ZNRF3: variants seen among roughly 807,000 people sequenced by gnomAD.
ZNRF3 encodes zinc and ring finger 3.
A neutral mutation model predicts 72.5 loss-of-function variants in ZNRF3; 23 were observed. The ratio of observed to expected loss-of-function variants is 0.32; its 90% CI spans 0.23 to 0.45. The LOEUF (loss-of-function observed/expected upper bound fraction) is 0.45. Ranked by LOEUF, ZNRF3 falls within the 20% of genes least tolerant of loss-of-function variation. ZNRF3 has a pLI of 1.00. For missense variants in ZNRF3, 1,169 were observed against 1,272.1 expected (o/e 0.92, Z 1.23); for synonymous variants, 610 against 545.3 (o/e 1.12, Z -1.65).
At chr22:28,959,828 A>G (rs990525844) in intron 1 of ZNRF3, among the ~76,000 whole-genome samples, 1 of 152,144 alleles carries the variant, frequency 6.6e-6, no homozygotes, top group Non-Finnish European at 1.5e-5. Flanking sequence ...CTCCCCTTGT[A>G]TGCACAAAGA....
chr22:28,947,932 C>T (rs758279336), intron 1 of ZNRF3, among the ~76,000 whole-genome samples: 1 of 151,980 alleles, frequency 6.6e-6, no homozygotes, highest in Non-Finnish European at 1.5e-5. Context: ...GCAATCTCCG[C>T]CTCCTGGGTC....
chr22:29,019,844 T>C (rs918820698), intron 2 of ZNRF3, among the ~76,000 whole-genome samples: 3 of 152,194 alleles, frequency 2.0e-5, no homozygotes, highest in South Asian at 2.1e-4. Context: ...GTAAGTGTGA[T>C]AGAACCAGAA....
chr22:28,911,499 G>C (rs1469513432), intron 1 of ZNRF3, among the ~76,000 whole-genome samples: 1 of 152,168 alleles, frequency 6.6e-6, no homozygotes, highest in Non-Finnish European at 1.5e-5. Context: ...GAATGTAAGG[G>C]AGTAAGTGAT....
chr22:28,972,088 T>A (rs1045449737), intron 1 of ZNRF3, among the ~76,000 whole-genome samples: 6 of 152,236 alleles, frequency 3.9e-5, no homozygotes, highest in Admixed American at 2.6e-4. Context: ...ACCATTTATT[T>A]GCATAATTCT....
At chr22:28,983,980 T>C (rs1167825172) in intron 1 of ZNRF3, among the ~76,000 whole-genome samples, 1 of 151,930 alleles carries the variant, frequency 6.6e-6, no homozygotes, top group Non-Finnish European at 1.5e-5. Flanking sequence ...CCCAGTTTCC[T>C]GAAGGGCTGC....
At chr22:29,006,453 C>CT (rs1402370389) in intron 2 of ZNRF3, among the ~76,000 whole-genome samples, 3 of 152,162 alleles carry the variant, frequency 2.0e-5, no homozygotes, top group Non-Finnish European at 4.4e-5. Context: ...CTCAGGTGAT[C>CT]TGCCTGCCTC....
At chr22:28,937,205 ATATATATATATTTTTTTT>A (rs1373283019) in intron 1 of ZNRF3, among the ~76,000 whole-genome samples, 66 of 4,030 alleles carry the variant, frequency 0.016, no homozygotes, top group African/African-American at 0.027. Context: ...ATATATATAT[ATATATATATATTTTTTTT>A]TTTTTTTTTT....
rs2037181611 is a variant in ZNRF3, at chr22:29,050,524, C to G, written c.2343C>G (p.Phe781Leu). The change falls in exon 8 of 9, where the codon TTC becomes TTG. Residue 781 changes from phenylalanine to leucine, a missense_variant. Physicochemically the swap from Phe to Leu is conservative, Grantham distance 22. Around this residue, in one of 2 missense-constraint regions of ZNRF3, gnomAD observed 783 missense variants for 731.4 expected, o/e 1.07. Coordinates refer to ENST00000544604, the MANE Select transcript of ZNRF3 (RefSeq NM_001206998.2). ...AATACGAGGGTCTGCCCTGCTGCTT[C>G]TATGAAGAGAAGCAGGTGGCCCGCG... ...GVKYEGLPCC[F>L]YEEKQVARGG... 6.2e-7 allele frequency: 1 copy of G among 1,612,198 alleles called. No individual in the cohort carries two copies. Among genetic ancestry groups the G allele is most frequent in the Non-Finnish European group, 8.5e-7 (1 of 1,179,594 alleles).
chr22:28,884,081 C>T lies in ZNRF3; in HGVS notation c.300+15C>T. On this transcript the variant is annotated intron_variant, in intron 1 of 8. Coordinates refer to ENST00000544604, the MANE Select transcript of ZNRF3 (RefSeq NM_001206998.2). ...AGATCGTGCAGGTAGCTGCCCGCCG[C>T]CCGGGCCCCGCGCCGCCTCCGCCAC... 1 of 1,206,632 alleles carries T rather than the reference C, an allele frequency of 8.3e-7. No homozygotes were observed. Among genetic ancestry groups the T allele is most frequent in the Non-Finnish European group, 1.0e-6 (1 of 957,416 alleles). 74.7% of individuals were successfully genotyped at this position (1,206,632 alleles called of 1,614,324 possible). A position where few individuals can be genotyped will look rare whatever the true frequency, so the allele number is the denominator to read the frequency against.
Position 29,050,830 on chromosome 22 carries a change from G to A in ZNRF3, c.2649G>A (p.Gln883=), listed in dbSNP as rs775510646. The part of the protein sequence containing the change: ...TREEERALCC[Q]ARALLRPGCP... Reference sequence around the variant, plus strand: ...AAGAGGAGCGGGCTCTGTGCTGCCAGGCTAGGGCCCTACTGCGGCCTGGCT... The same window carrying A: ...AAGAGGAGCGGGCTCTGTGCTGCCAAGCTAGGGCCCTACTGCGGCCTGGCT... Residue 883 remains glutamine (Q), a synonymous_variant, in exon 8 of 9, where the codon CAG becomes CAA. Transcript: ENST00000544604. 7 of 1,607,132 alleles carry A rather than the reference G, an allele frequency of 4.4e-6. No homozygotes were observed. Among genetic ancestry groups the A allele is most frequent in the Non-Finnish European group, 5.9e-6 (7 of 1,178,498 alleles).
At chr22:28,887,218 C>T (rs1043775676) in intron 1 of ZNRF3, among the ~76,000 whole-genome samples, 6 of 120,370 alleles carry the variant, frequency 5.0e-5, no homozygotes, top group South Asian at 2.7e-4. Context: ...TATATGCCAA[C>T]GAAGAGAGAG....
At chr22:28,971,198 G>T in intron 1 of ZNRF3, among the ~76,000 whole-genome samples, 1 of 145,814 alleles carries the variant, frequency 6.9e-6, no homozygotes, top group Non-Finnish European at 1.5e-5. Flanking sequence ...CTAAAAAAAT[G>T]TTTTTTTTTT....
At chr22:28,990,777 T>C (rs1305413425) in intron 2 of ZNRF3, among the ~76,000 whole-genome samples, 1 of 152,156 alleles carries the variant, frequency 6.6e-6, no homozygotes, top group Non-Finnish European at 1.5e-5. Context: ...AACCCTCCAA[T>C]TCAATCAGTG....
chr22:28,998,378 C>G (rs1340254570), intron 2 of ZNRF3, among the ~76,000 whole-genome samples: 1 of 152,070 alleles, frequency 6.6e-6, no homozygotes, highest in East Asian at 1.9e-4. Flanking sequence ...ATACTGCTAC[C>G]AAGCAGATGG....
At chr22:28,884,664 C>G (rs908554843) in intron 1 of ZNRF3, among the ~76,000 whole-genome samples, 1 of 152,084 alleles carries the variant, frequency 6.6e-6, no homozygotes, top group African/African-American at 2.4e-5. Flanking sequence ...CCTGGAGTGG[C>G]GATGGAAGGC....
At chr22:29,035,445 T>C (rs750907920) in intron 2 of ZNRF3, among the ~76,000 whole-genome samples, 7 of 152,226 alleles carry the variant, frequency 4.6e-5, no homozygotes, top group Non-Finnish European at 1.0e-4. Context: ...TGGAATGATA[T>C]GTGTAGCTGG....
At chr22:28,918,717 A>G (rs1248391487) in intron 1 of ZNRF3, among the ~76,000 whole-genome samples, 3 of 152,262 alleles carry the variant, frequency 2.0e-5, no homozygotes, top group Non-Finnish European at 2.9e-5. Flanking sequence ...ATCCTGGGGT[A>G]TGTGCGAAGC....
chr22:28,913,043 A>AT (rs2034347755), intron 1 of ZNRF3, among the ~76,000 whole-genome samples: 1 of 152,172 alleles, frequency 6.6e-6, no homozygotes, highest in Non-Finnish European at 1.5e-5. Context: ...GAAGTTGTGG[A>AT]TTTTTAGAAC....
chr22:29,050,847 G>A lies in ZNRF3; in HGVS notation c.2666G>A (p.Arg889Gln), dbSNP rs764221550. Residue 889 changes from arginine to glutamine, a missense_variant, in exon 8 of 9, where the codon CGG (arginine) becomes CAG (glutamine). By Grantham distance (43) the Arg-to-Gln change is conservative (BLOSUM62 1). This residue lies in a region of ZNRF3 where 783 missense variants were observed against 731.4 expected (regional missense o/e 1.07). Coordinates refer to ENST00000544604, the MANE Select transcript of ZNRF3 (RefSeq NM_001206998.2). ...TGCTGCCAGGCTAGGGCCCTACTGC[G>A]GCCTGGCTGCCCTCCGGAGGAGGCG... ...ALCCQARALLRPGCPPEEAGA... is the reference protein window; with the variant it reads ...ALCCQARALLQPGCPPEEAGA... The A allele has an allele frequency of 7.0e-5, 113 of 1,604,574 alleles. No individual in the cohort carries two copies. Among genetic ancestry groups the A allele is most frequent in the Middle Eastern group, 1.7e-4 (1 of 6,022 alleles).
Sources: gnomAD v4.1 joint callset for allele counts (sites outside exome capture counted in the v4.1 genomes callset) on GRCh38, gnomAD v4.1.1 for gene constraint, gnomAD v4.1.1 regional missense constraint, MANE v1.5 for transcripts, NCBI Gene and HGNC (gene_info 2026-07-23, HGNC 2026-07-21) for gene names.